Variants in CCNL2 observed in about 807,000 individuals in gnomAD.
The protein encoded by CCNL2 is cyclin-L2.
CCNL2 carries 28 observed loss-of-function variants against 59.1 expected under a neutral mutation model. That is an observed-to-expected ratio of 0.47 (90% CI 0.35 to 0.65). The LOEUF is 0.65. Among genes scored for constraint, CCNL2 ranks in the 30% least tolerant of loss-of-function variants. The pLI is 0.00. For missense variants in CCNL2, 714 were observed against 717.4 expected (o/e 1.00, Z 0.05); for synonymous variants, 342 against 288.6 (o/e 1.19, Z -1.88).
At chr1:1,398,080 G>A (rs975616180) in intron 3 of CCNL2, among the ~76,000 whole-genome samples, 153 bp downstream of exon 3, 2 of 152,252 alleles carry the variant, frequency 1.3e-5, no homozygotes, top group Non-Finnish European at 2.9e-5. Flanking sequence ...CCTCTGAGCA[G>A]GCTCTGTTGG....
At chr1:1,398,203 TGATA>T (rs1224726145) in intron 3 of CCNL2, 26 bp downstream of exon 3, 1 of 1,606,404 alleles carries the variant, frequency 6.2e-7, no homozygotes, top group South Asian at 1.1e-5. Context: ...TAGGCATCTA[TGATA>T]GACTAGACAG....
In CCNL2 at chr1:1,395,507, C is replaced by T. The variant is rs187633779; in HGVS notation, c.481G>A (p.Val161Met). The T allele has an allele frequency of 8.8e-5, 142 of 1,614,026 alleles. No homozygotes were observed. In the South Asian group the frequency reaches 1.2e-3, roughly 14 times the overall value. Residue 161 changes from valine (V) to methionine (M), a missense_variant, in exon 4 of 11, where the codon GTG (valine) becomes ATG (methionine). By Grantham distance (21) the Val-to-Met change is conservative. Around this residue, in one of 5 missense-constraint regions of CCNL2, gnomAD observed 270 missense variants for 254.9 expected, o/e 1.06. Coordinates refer to ENST00000400809, the MANE Select transcript of CCNL2 (RefSeq NM_030937.6). ...TAATCTTGATCCAGTAGTAGAGGCACGGGCTTCCTGCCAGAGAGAGAGCAC... is the reference window on the plus strand; with the variant it reads ...TAATCTTGATCCAGTAGTAGAGGCATGGGCTTCCTGCCAGAGAGAGAGCAC... ...LRQLRDKKKPVPLLLDQDYVN... is the reference protein window; with the variant it reads ...LRQLRDKKKPMPLLLDQDYVN...
chr1:1,391,125 C>T, intron 5 of CCNL2: 7 of 1,244,048 alleles, frequency 5.6e-6, no homozygotes, highest in Non-Finnish European at 7.1e-6. Flanking sequence ...TCAGACAATA[C>T]GTGTTGCTAT....
At chr1:1,392,415 C>A (rs1053558452) in intron 5 of CCNL2, 3 of 1,127,012 alleles carry the variant, frequency 2.7e-6, no homozygotes, top group Admixed American at 4.6e-5. Context: ...AACTTCAGGG[C>A]TTCTAGAAAT....
chr1:1,387,229 C>A lies in CCNL2; in HGVS notation c.*2G>T, dbSNP rs919388447. 6.3e-7 allele frequency: 1 copy of A among 1,597,462 alleles called. No homozygotes were observed. Among genetic ancestry groups the A allele is most frequent in the Non-Finnish European group, 8.5e-7 (1 of 1,174,296 alleles). On this transcript the variant is annotated 3_prime_UTR_variant, in exon 11 of 11. Coordinates refer to ENST00000400809, the MANE Select transcript of CCNL2 (RefSeq NM_030937.6). ...GCGGCCACCAGTCACTGCAACCCCG[C>A]CTCACCTCCGATGCCTGCTGTGCCC...
intron 2 of CCNL2, 100 bp downstream of exon 2, chr1:1,398,497 T>G (rs1645176763): frequency 1.3e-6 from 2 of 1,575,350 alleles, no homozygotes; most frequent in African/African-American, 1.4e-5. Context: ...GAGCTCAGAC[T>G]GGGGGGCAAG....
At chr1:1,391,366 T>C in intron 5 of CCNL2, 1 of 1,170,180 alleles carries the variant, frequency 8.5e-7, no homozygotes, top group Non-Finnish European at 1.1e-6. Flanking sequence ...GGGTTCCTCT[T>C]CCTCTTCCTC....
chr1:1,391,836 C>G (rs1275416886), intron 5 of CCNL2: 4 of 296,420 alleles, frequency 1.3e-5, no homozygotes, highest in Middle Eastern at 1.2e-3. Flanking sequence ...ACTGCAAAAA[C>G]AGAAAGGGTG....
chr1:1,394,120 G>A (rs1324214761), intron 4 of CCNL2, among the ~76,000 whole-genome samples: 4 of 146,960 alleles, frequency 2.7e-5, no homozygotes, highest in African/African-American at 5.1e-5. Context: ...GCGAGATTCC[G>A]TCTCCAAAAA....
chr1:1,390,660 C>A, intron 6 of CCNL2, 97 bp from the exon 7 acceptor site: 1 of 1,481,998 alleles, frequency 6.7e-7, no homozygotes, highest in Non-Finnish European at 9.4e-7. Context: ...CACGAAAATG[C>A]TTTGGCCCAG....
rs1185452546 is a variant in CCNL2 at position 1,387,342 on chromosome 1, C to CT, written c.1451dup (p.Lys485GlufsTer18). The stretch of plus-strand genomic sequence containing the variant: ...GATCTCTGTAGTAATGACTTTTCTT[C>CT]TTGTATTTTCCCGGATTATCCGCCC... On this transcript the variant is annotated frameshift_variant, in exon 11 of 11. Transcript: ENST00000400809. LOFTEE classifies it high-confidence loss of function. 6.2e-7 allele frequency: 1 copy of CT among 1,614,164 alleles called. No homozygotes were observed. The highest frequency in any genetic ancestry group is 1.7e-5 in the Admixed American group (1 of 60,026).
At chr1:1,395,880 T>C (rs971014931) in intron 3 of CCNL2, among the ~76,000 whole-genome samples, 1 of 152,056 alleles carries the variant, frequency 6.6e-6, no homozygotes, top group Non-Finnish European at 1.5e-5. Context: ...GAAAGCACAA[T>C]TATTTAAATA....
At chr1:1,392,321 C>G in intron 5 of CCNL2, 1 of 989,884 alleles carries the variant, frequency 1.0e-6, no homozygotes, top group Non-Finnish European at 1.2e-6. Flanking sequence ...TGAAGTGATA[C>G]AATATTTTTC....
rs1251709559 is a variant in CCNL2 at position 1,385,989 on chromosome 1, C to T, written c.*1242G>A. 1 of 152,188 alleles carries T rather than the reference C, an allele frequency of 6.6e-6. No homozygotes were observed. Among genetic ancestry groups the T allele is most frequent in the African/African-American group, 2.4e-5 (1 of 41,426 alleles). 9.4% of individuals were successfully genotyped at this position (152,188 alleles called of 1,614,324 possible). ...GTCATCAGGCGTAACTCCCCGTTATCCCACTAGCCCCGGCCTATATGTCCC... is the reference window on the plus strand; with the variant it reads ...GTCATCAGGCGTAACTCCCCGTTATTCCACTAGCCCCGGCCTATATGTCCC... On this transcript the variant is annotated 3_prime_UTR_variant, in exon 11 of 11. Coordinates refer to ENST00000400809, the MANE Select transcript of CCNL2 (RefSeq NM_030937.6).
intron 1 of CCNL2, 56 bp from the exon 2 acceptor site, chr1:1,398,727 C>A: frequency 6.6e-7 from 1 of 1,515,038 alleles, no homozygotes; most frequent in Non-Finnish European, 9.2e-7. Context: ...GCCTTCGCGG[C>A]CGAAAGTCAT....
At chr1:1,392,548 G>A in intron 5 of CCNL2, 4 of 1,383,540 alleles carry the variant, frequency 2.9e-6, no homozygotes, top group Non-Finnish European at 3.7e-6. Flanking sequence ...GTTTTAAAGG[G>A]ACAAAATTCA....
intron 1 of CCNL2, 42 bp from the exon 2 acceptor site, chr1:1,398,713 C>T (rs1175870574): frequency 1.1e-5 from 17 of 1,575,414 alleles, no homozygotes; most frequent in Non-Finnish European, 1.3e-5. Flanking sequence ...ACGCACCATT[C>T]AAAGCCTTCG....
intron 4 of CCNL2, 152 bp from the exon 5 acceptor site, chr1:1,393,612 G>A (rs1644860302): frequency 2.9e-6 from 2 of 682,916 alleles, no homozygotes; most frequent in African/African-American, 1.8e-5. Context: ...GCTGGAGGGA[G>A]CTTTGCGATT....
At position 1,399,250 on chromosome 1, in the gene CCNL2, C is replaced by T. The variant is rs1645236260; in HGVS notation, c.57G>A (p.Ala19=). Reference sequence around the variant, plus strand: ...CGCCCCCAGATCCCGGGGCGCCGGCCGCTGCCGCGGGAGCTGCCGACCCTG... The same window carrying T: ...CGCCCCCAGATCCCGGGGCGCCGGCTGCTGCCGCGGGAGCTGCCGACCCTG... ...GAAGSAAPAA[A]AGAPGSGGAP... The change falls in exon 1 of 11, where the codon GCG becomes GCA. Residue 19 remains alanine (A), a synonymous_variant. Coordinates refer to ENST00000400809, the MANE Select transcript of CCNL2 (RefSeq NM_030937.6). The T allele has an allele frequency of 5.7e-6, 9 of 1,586,910 alleles. No homozygotes were observed. Among genetic ancestry groups the T allele is most frequent in the Admixed American group, 1.7e-5 (1 of 57,844 alleles).
Sources: allele counts gnomAD v4.1 joint callset (sites outside exome capture counted in the v4.1 genomes callset), GRCh38; gene constraint gnomAD v4.1.1; regional missense constraint gnomAD v4.1.1; transcripts MANE v1.5; gene names NCBI Gene and HGNC (gene_info 2026-07-23, HGNC 2026-07-21).